GALNT13: variants seen among roughly 807,000 people sequenced by gnomAD.
The protein encoded by GALNT13 is UDP-GalNAc:polypeptide N-acetylgalactosaminyltransferase 13.
In GALNT13, 28 loss-of-function variants were observed where a neutral mutation model predicts 64.2. The observed-to-expected ratio is 0.44, with a 90% CI of 0.32 to 0.60. The LOEUF is 0.60. GALNT13 is among the 20% of genes least tolerant of loss of function. The probability of loss-of-function intolerance (pLI) is 0.05; values close to 1 mark genes in which losing one functional copy is unlikely to be tolerated. For missense variants in GALNT13, 577 were observed against 669.8 expected, an observed-to-expected ratio of 0.86 and a Z score of 1.53; for synonymous variants, 214 against 224.6, an observed-to-expected ratio of 0.95 and a Z score of 0.42.
intron 3 of GALNT13, among the ~76,000 whole-genome samples, chr2:153,969,043 A>C (rs996851694): frequency 6.6e-6 from 1 of 151,876 alleles, no homozygotes; most frequent in Non-Finnish European, 1.5e-5. Flanking sequence ...TAATTTTTTG[A>C]TAATGATTCA....
intron 9 of GALNT13, among the ~76,000 whole-genome samples, chr2:154,347,395 T>C (rs1696130323): frequency 6.6e-6 from 1 of 152,186 alleles, no homozygotes; most frequent in African/African-American, 2.4e-5. Flanking sequence ...TTAACATAAG[T>C]TGAGGATCTA....
chr2:153,711,672 C>T, the GALNT13 span, among the ~76,000 whole-genome samples: 2 of 152,120 alleles, frequency 1.3e-5, no homozygotes, highest in Non-Finnish European at 2.9e-5. Flanking sequence ...AAGCTGAATT[C>T]ACAACAAAGA....
chr2:154,392,601 T>G (rs532860017), intron 9 of GALNT13, among the ~76,000 whole-genome samples: 6 of 152,324 alleles, frequency 3.9e-5, no homozygotes, highest in African/African-American at 1.4e-4. Context: ...ACAATTGGGC[T>G]GGTTTCAAAG....
chr2:154,435,149 C>T (rs1297464142), intron 11 of GALNT13, among the ~76,000 whole-genome samples: 1 of 152,178 alleles, frequency 6.6e-6, no homozygotes, highest in Non-Finnish European at 1.5e-5. Context: ...TAACACAGTT[C>T]TGCTTTACTA....
the GALNT13 span, among the ~76,000 whole-genome samples, chr2:153,365,533 A>G: frequency 1.3e-5 from 2 of 152,162 alleles, no homozygotes; most frequent in African/African-American, 2.4e-5. Context: ...CAAGGGACTT[A>G]AGCAAATTTA....
chr2:153,205,414 A>G, the GALNT13 span, among the ~76,000 whole-genome samples: 1 of 152,110 alleles, frequency 6.6e-6, no homozygotes, highest in Admixed American at 6.5e-5. Context: ...TTTTAAACCA[A>G]AGTTACAAAA....
the GALNT13 span, among the ~76,000 whole-genome samples, chr2:153,152,294 G>A: frequency 6.6e-6 from 1 of 151,974 alleles, no homozygotes; most frequent in Non-Finnish European, 1.5e-5. Context: ...AATGGGAGAT[G>A]GCCGTGGTAG....
the GALNT13 span, among the ~76,000 whole-genome samples, chr2:153,219,658 G>A: frequency 6.6e-6 from 1 of 152,186 alleles, no homozygotes; most frequent in African/African-American, 2.4e-5. Flanking sequence ...TCTACTATAG[G>A]TAAGATGCAG....
rs60950180 is a variant in GALNT13 at position 154,014,635 on chromosome 2, C to CTTTTTTT, written c.142+70005_142+70011dup. Among the ~76,000 whole-genome samples, 615 of 77,202 alleles carry CTTTTTTT rather than the reference C, an allele frequency of 8.0e-3. 82 individuals are homozygous for CTTTTTTT. Among genetic ancestry groups the CTTTTTTT allele is most frequent in the African/African-American group, 0.024 (517 of 21,980 alleles). 50.6% of individuals were successfully genotyped at this position (77,202 alleles called of 152,430 possible). A position where few individuals can be genotyped will look rare whatever the true frequency, so the allele number is the denominator to read the frequency against. On this transcript the variant is annotated intron_variant, in intron 3 of 12. Coordinates refer to ENST00000392825, the MANE Select transcript of GALNT13 (RefSeq NM_052917.4). ...ACTTTTTGTCTTTCTGATAATTCTCCTTTTTTTTTTTTTTTGAGACGGAGT... is the reference window on the plus strand; with the variant it reads ...ACTTTTTGTCTTTCTGATAATTCTCCTTTTTTTTTTTTTTTTTTTTTTGAGACGGAGT...
the GALNT13 span, among the ~76,000 whole-genome samples, chr2:153,291,097 T>C: frequency 6.6e-6 from 1 of 152,204 alleles, no homozygotes; most frequent in South Asian, 2.1e-4. Context: ...TGTGGATTTA[T>C]TTGACAGAGG....
the GALNT13 span, among the ~76,000 whole-genome samples, chr2:153,393,624 G>A: frequency 6.6e-6 from 1 of 151,930 alleles, no homozygotes; most frequent in Admixed American, 6.6e-5. Context: ...GACAGTTGGT[G>A]GAACATCATT....
the GALNT13 span, among the ~76,000 whole-genome samples, chr2:153,613,465 C>G: frequency 6.6e-6 from 1 of 152,004 alleles, no homozygotes; most frequent in East Asian, 1.9e-4. Flanking sequence ...CTATATAACT[C>G]AATTGTATTA....
rs751911619 is a variant in GALNT13, at chr2:154,171,989, CACA to C, written c.311+31485_311+31487del. 4.5e-4 allele frequency among the ~76,000 whole-genome samples: 68 copies of C among 151,750 alleles called. No individual in the cohort carries two copies. The Middle Eastern group carries it at 0.014, about 30-fold the overall frequency. ...TTTCTCATACACACACACACACACA[CACA>C]CACACACACACACAATGCTAAGCCA... On this transcript the variant is annotated intron_variant, in intron 4 of 12. Coordinates refer to ENST00000392825, the MANE Select transcript of GALNT13 (RefSeq NM_052917.4).
At chr2:154,103,534 A>C (rs1702456285) in intron 3 of GALNT13, among the ~76,000 whole-genome samples, 1 of 152,062 alleles carries the variant, frequency 6.6e-6, no homozygotes, top group Non-Finnish European at 1.5e-5. Flanking sequence ...ATCATTGGAG[A>C]TATTGAAACA....
the GALNT13 span, among the ~76,000 whole-genome samples, chr2:153,678,120 G>A: frequency 1.1e-4 from 17 of 149,960 alleles, no homozygotes; most frequent in African/African-American, 3.9e-4. Context: ...CCTACAGAAT[G>A]GGAGAAAATA....
At chr2:154,008,351 A>G (rs374131211) in intron 3 of GALNT13, among the ~76,000 whole-genome samples, 1 of 151,982 alleles carries the variant, frequency 6.6e-6, no homozygotes. Context: ...ATTCTATATC[A>G]TTTTCCTATC....
intron 4 of GALNT13, among the ~76,000 whole-genome samples, chr2:154,187,786 G>C (rs540024717): frequency 2.0e-4 from 31 of 151,964 alleles, no homozygotes; most frequent in Non-Finnish European, 4.1e-4. Context: ...TATTAAAATG[G>C]CATTTTTTAA....
chr2:154,163,682 C>G (rs923225197), intron 4 of GALNT13, among the ~76,000 whole-genome samples: 1 of 152,062 alleles, frequency 6.6e-6, no homozygotes, highest in African/African-American at 2.4e-5. Context: ...CCGAAGCTAT[C>G]TTAGGACAGG....
the GALNT13 span, among the ~76,000 whole-genome samples, chr2:153,831,047 A>C: frequency 6.6e-6 from 1 of 152,192 alleles, no homozygotes; most frequent in African/African-American, 2.4e-5. Flanking sequence ...TTACAATTTA[A>C]AGACATGATA....
Sources: gnomAD v4.1 joint callset for allele counts (sites outside exome capture counted in the v4.1 genomes callset) on GRCh38, gnomAD v4.1.1 for gene constraint, MANE v1.5 for transcripts, NCBI Gene and HGNC (gene_info 2026-07-23, HGNC 2026-07-21) for gene names.